AHDC1: variants seen among roughly 807,000 people sequenced by gnomAD.
AHDC1 encodes AT-hook DNA binding motif containing 1, also known as transcription factor Gibbin.
A neutral mutation model predicts 87.9 loss-of-function variants in AHDC1; 7 were observed. The observed-to-expected ratio is 0.08, with a 90% CI of 0.05 to 0.15. AHDC1 has a LOEUF of 0.15. Ranked by LOEUF, AHDC1 falls within the 10% of genes least tolerant of loss-of-function variation. The pLI is 1.00. For synonymous variants in AHDC1, 1,051 were observed against 1,006.8 expected (o/e 1.04, Z -0.83); for missense variants, 1,841 against 2,253.2 (o/e 0.82, Z 3.70).
chr1:27,599,402 C>A (rs760722526), intron 3 of AHDC1, among the ~76,000 whole-genome samples: 7 of 152,206 alleles, frequency 4.6e-5, no homozygotes, highest in African/African-American at 1.7e-4. Context: ...GGCGCCTCCC[C>A]CTCCCCTGGG....
Position 27,549,854 on chromosome 1 carries a change from C to A in AHDC1, c.2262G>T (p.Gln754His). 1 of 1,613,266 alleles carries A rather than the reference C, an allele frequency of 6.2e-7. No individual in the cohort carries two copies. The part of the protein sequence containing the change: ...SRKNGTLFPE[Q>H]VPSGPGFGEA... ...CCCCAAAGCCTGGGCCACTGGGCAC[C>A]TGCTCTGGGAACAGAGTCCCATTCT... Residue 754 changes from glutamine to histidine, a missense_variant, in exon 8 of 9, where the codon CAG becomes CAT. By Grantham distance (24) the Gln-to-His change is conservative (BLOSUM62 0). This residue lies in a region of AHDC1 where 236 missense variants were observed against 257.9 expected (regional missense o/e 0.92). Transcript: ENST00000673934.
chr1:27,542,247 G>C (rs577291625), intron 8 of AHDC1, among the ~76,000 whole-genome samples: 2 of 152,356 alleles, frequency 1.3e-5, no homozygotes, highest in East Asian at 3.9e-4. Flanking sequence ...TGTGATGACA[G>C]CATTTCTAGC....
intron 8 of AHDC1, among the ~76,000 whole-genome samples, chr1:27,546,510 G>T (rs1198668793): frequency 1.3e-5 from 2 of 152,204 alleles, no homozygotes; most frequent in Non-Finnish European, 2.9e-5. Context: ...ACCTTTGCCT[G>T]AAGATAGCCT....
rs1251180013 is a variant in AHDC1, at chr1:27,534,486, A to G, written c.*474T>C. On this transcript the variant is annotated 3_prime_UTR_variant, in exon 9 of 9. Transcript: ENST00000673934. ...GGACCACAGCAGGTTTACAGAATGC[A>G]ATATACAATCCACGATTTATAATAA... 1.3e-5 allele frequency: 2 copies of G among 152,006 alleles called. No individual in the cohort carries two copies. Among genetic ancestry groups the G allele is most frequent in the Non-Finnish European group, 2.9e-5 (2 of 68,008 alleles). 9.4% of individuals were successfully genotyped at this position (152,006 alleles called of 1,614,324 possible).
At chr1:27,602,487 AAAC>A (rs2089556648) in intron 3 of AHDC1, among the ~76,000 whole-genome samples, 1 of 152,094 alleles carries the variant, frequency 6.6e-6, no homozygotes, top group Non-Finnish European at 1.5e-5. Flanking sequence ...GTAGAACAGG[AAAC>A]AAGGTTATTT....
At chr1:27,597,830 A>G (rs2089418878) in intron 3 of AHDC1, among the ~76,000 whole-genome samples, 1 of 150,784 alleles carries the variant, frequency 6.6e-6, no homozygotes, top group African/African-American at 2.4e-5. Context: ...CCTGTCTCTC[A>G]GCCTCCCCAT....
At chr1:27,572,827 C>G (rs1447562299) in intron 3 of AHDC1, among the ~76,000 whole-genome samples, 1 of 152,216 alleles carries the variant, frequency 6.6e-6, no homozygotes, top group Admixed American at 6.5e-5. Context: ...CTCAACACAC[C>G]GCCCCTGCGA....
At chr1:27,575,357 C>T (rs555455694) in intron 3 of AHDC1, among the ~76,000 whole-genome samples, 77 of 152,148 alleles carry the variant, frequency 5.1e-4, no homozygotes, top group African/African-American at 1.7e-3. Flanking sequence ...CTCCGCCGCG[C>T]AAGCCGGGAG....
rs2019392727 is a variant in AHDC1 at position 27,549,427 on chromosome 1, G to A, written c.2689C>T (p.Pro897Ser). 1.9e-6 allele frequency: 3 copies of A among 1,612,892 alleles called. No individual in the cohort carries two copies. The highest frequency in any genetic ancestry group is 2.5e-6 in the Non-Finnish European group (3 of 1,179,804). The part of the protein sequence containing the change: ...TFPSRGAKAS[P>S]VAVGSSGAGA... ...GCCCCGCTGCTACCCACTGCCACTG[G>A]GCTGGCCTTGGCTCCCCGGCTAGGG... is the stretch of plus-strand genomic sequence containing the variant. The change falls in exon 8 of 9, where the codon CCA becomes TCA. Residue 897 changes from proline to serine, a missense_variant. Physicochemically the swap from Pro to Ser is moderately conservative, Grantham distance 74 (BLOSUM62 -1). Transcript: ENST00000673934.
intron 3 of AHDC1, among the ~76,000 whole-genome samples, chr1:27,573,046 G>C (rs1435483089): frequency 6.6e-6 from 1 of 152,192 alleles, no homozygotes; most frequent in Non-Finnish European, 1.5e-5. Flanking sequence ...CACTGGCTTG[G>C]GTGATAAGCC....
chr1:27,554,303 C>A (rs1195833366), intron 5 of AHDC1, among the ~76,000 whole-genome samples: 1 of 152,212 alleles, frequency 6.6e-6, no homozygotes, highest in Non-Finnish European at 1.5e-5. Flanking sequence ...GCCCCTGCTA[C>A]ATCCTCTCAG....
intron 3 of AHDC1, among the ~76,000 whole-genome samples, chr1:27,569,277 G>A (rs1198439137): frequency 6.6e-6 from 1 of 152,098 alleles, no homozygotes; most frequent in East Asian, 1.9e-4. Context: ...GCTTGTTAAG[G>A]TTACTTTTTA....
In AHDC1 at chr1:27,560,074, C is replaced by T. The variant is rs115501523; in HGVS notation, c.-628-1191G>A. Among the ~76,000 whole-genome samples, 312 of 152,270 alleles carry T rather than the reference C, an allele frequency of 2.0e-3. 3 individuals carry two copies. Among genetic ancestry groups the T allele is most frequent in the African/African-American group, 7.0e-3 (292 of 41,556 alleles). ...CCATGTGTGGGATCACGCGTTTGCTCAGTTGTGGCTGCTGTGGTCAGCTGT... is the reference window on the plus strand; with the variant it reads ...CCATGTGTGGGATCACGCGTTTGCTTAGTTGTGGCTGCTGTGGTCAGCTGT... On this transcript the variant is annotated intron_variant, in intron 3 of 8. Transcript: ENST00000673934. This position sits in a 1 kb window ranked among gnomAD's most constrained non-coding sequence, Gnocchi z 4.1.
At chr1:27,575,956 G>T (rs978018743) in intron 3 of AHDC1, among the ~76,000 whole-genome samples, 1 of 152,028 alleles carries the variant, frequency 6.6e-6, no homozygotes, top group Admixed American at 6.5e-5. Flanking sequence ...TCGGGCTCGG[G>T]CTCTGCCCCG....
At chr1:27,602,994 C>G (rs981877898) in intron 3 of AHDC1, among the ~76,000 whole-genome samples, 8 of 142,344 alleles carry the variant, frequency 5.6e-5, no homozygotes, top group Non-Finnish European at 1.1e-4. Flanking sequence ...ATTCCCCCCC[C>G]CCCCACATTC....
At chr1:27,592,896 C>G (rs186140923) in intron 3 of AHDC1, among the ~76,000 whole-genome samples, 4,659 of 152,194 alleles carry the variant, frequency 0.031, 231 homozygotes, top group African/African-American at 0.1. Context: ...GCTTGGGCCC[C>G]TGGCCCAAGC....
At chr1:27,588,597 A>G (rs565228386) in intron 3 of AHDC1, among the ~76,000 whole-genome samples, 6 of 152,172 alleles carry the variant, frequency 3.9e-5, no homozygotes, top group African/African-American at 1.4e-4. Context: ...AGCAGGCCAC[A>G]CTCTTGGCAG....
chr1:27,572,127 G>T (rs925430184), intron 3 of AHDC1, among the ~76,000 whole-genome samples: 1 of 152,140 alleles, frequency 6.6e-6, no homozygotes, highest in Non-Finnish European at 1.5e-5. Context: ...ATCCATTTTG[G>T]GGGGTGGTCC....
rs555930825 is a variant in AHDC1, at chr1:27,583,679, G to A, written c.-629+19718C>T. ...TTAAAGCTTTGTGACTAATAGTGTG[G>A]CTTTTGAGTCTCTCACACTGCAGCT... is the stretch of plus-strand genomic sequence containing the variant. On this transcript the variant is annotated intron_variant, in intron 3 of 8. Transcript: ENST00000673934. Among the ~76,000 whole-genome samples, 9 of 152,216 alleles carry A rather than the reference G, an allele frequency of 5.9e-5. No individual in the cohort carries two copies. The South Asian group carries it at 1.0e-3, about 18-fold the overall frequency.
Sources: allele counts gnomAD v4.1 joint callset (sites outside exome capture counted in the v4.1 genomes callset), GRCh38; gene constraint gnomAD v4.1.1; regional missense constraint gnomAD v4.1.1; non-coding constraint Gnocchi (gnomAD v3.1); transcripts MANE v1.5; gene names NCBI Gene and HGNC (gene_info 2026-07-23, HGNC 2026-07-21).